SGCZ: variants seen among roughly 807,000 people sequenced by gnomAD.
The protein encoded by SGCZ is zeta-sarcoglycan.
In SGCZ, 40 loss-of-function variants were observed where a neutral mutation model predicts 41.3. The observed-to-expected ratio is 0.97, with a 90% confidence interval of 0.75 to 1.26. The LOEUF (loss-of-function observed/expected upper bound fraction) is 1.26, where lower values mean the gene tolerates loss of function less well. Ranked by LOEUF, SGCZ falls within the 50% of genes most tolerant of loss-of-function variation. The probability of loss-of-function intolerance (pLI) is 0.00; values close to 1 mark genes in which losing one functional copy is unlikely to be tolerated. For missense variants in SGCZ, 552 were observed against 369.8 expected (o/e 1.49, Z -4.04); for synonymous variants, 206 against 137.5 (o/e 1.50, Z -3.49).
intron 1 of SGCZ, among the ~76,000 whole-genome samples, chr8:14,577,731 T>C (rs1804758276): frequency 6.6e-6 from 1 of 152,164 alleles, no homozygotes; most frequent in African/African-American, 2.4e-5. Context: ...CAATTGTCCT[T>C]CCAATCTGCT....
intron 1 of SGCZ, among the ~76,000 whole-genome samples, chr8:14,621,022 A>G (rs1806266896): frequency 6.6e-6 from 1 of 152,100 alleles, no homozygotes. Context: ...GACAATAGCA[A>G]AGACTTGGAA....
chr8:15,055,220 G>C (rs1471055404), intron 1 of SGCZ, among the ~76,000 whole-genome samples: 1 of 152,036 alleles, frequency 6.6e-6, no homozygotes, highest in African/African-American at 2.4e-5. Context: ...CTGAACTCCA[G>C]TTTCCATATC....
At chr8:14,226,791 A>T (rs1440494025) in intron 4 of SGCZ, among the ~76,000 whole-genome samples, 1 of 152,086 alleles carries the variant, frequency 6.6e-6, no homozygotes, top group Non-Finnish European at 1.5e-5. Flanking sequence ...GTGTTTTTAG[A>T]AAGGTGTAAT....
rs985091166 is a variant in SGCZ at position 15,093,589 on chromosome 8, C to T, written c.39+143996G>A. On this transcript the variant is annotated intron_variant, in intron 1 of 7. Coordinates refer to ENST00000382080, the MANE Select transcript of SGCZ (RefSeq NM_139167.4). The stretch of plus-strand genomic sequence containing the variant: ...AGTCATGTAGTGTAAACTGTGGTAT[C>T]GAATTTTCCTATTTTGTATTTGGCT... Among the ~76,000 whole-genome samples, 12 of 152,024 alleles carry T rather than the reference C, an allele frequency of 7.9e-5. No individual in the cohort carries two copies. In the East Asian group the frequency reaches 9.6e-4, roughly 12 times the overall value.
chr8:14,923,510 C>G (rs887554434), intron 1 of SGCZ, among the ~76,000 whole-genome samples: 8 of 152,066 alleles, frequency 5.3e-5, no homozygotes, highest in Non-Finnish European at 1.0e-4. Flanking sequence ...TACACAGTTA[C>G]GAAATGTACG....
intron 1 of SGCZ, among the ~76,000 whole-genome samples, chr8:14,558,702 C>A (rs965678224): frequency 6.6e-6 from 1 of 150,664 alleles, no homozygotes; most frequent in African/African-American, 2.4e-5. Context: ...AACTACGGAC[C>A]AATATCCCTC....
intron 1 of SGCZ, among the ~76,000 whole-genome samples, chr8:14,919,081 TTA>T (rs1273766624): frequency 6.6e-6 from 1 of 152,164 alleles, no homozygotes; most frequent in African/African-American, 2.4e-5. Flanking sequence ...GTTGATTCAA[TTA>T]GTTAATAAAA....
At chr8:14,422,830 C>A (rs1045723039) in intron 2 of SGCZ, among the ~76,000 whole-genome samples, 2 of 152,116 alleles carry the variant, frequency 1.3e-5, no homozygotes, top group South Asian at 2.1e-4. Flanking sequence ...AATCTGAGAC[C>A]AGCCTGGGCA....
intron 1 of SGCZ, among the ~76,000 whole-genome samples, chr8:14,888,168 A>G (rs2130736948): frequency 6.6e-6 from 1 of 152,310 alleles, no homozygotes; most frequent in African/African-American, 2.4e-5. Context: ...AAAAAGCAAT[A>G]CACCAAAAAA....
intron 1 of SGCZ, among the ~76,000 whole-genome samples, chr8:15,150,865 G>A (rs1799159433): frequency 6.6e-6 from 1 of 152,124 alleles, no homozygotes; most frequent in Admixed American, 6.5e-5. Context: ...AAAGTCTGGT[G>A]GGTAGTCTCT....
intron 1 of SGCZ, among the ~76,000 whole-genome samples, chr8:14,975,063 T>C (rs756941218): frequency 6.6e-6 from 1 of 151,926 alleles, no homozygotes; most frequent in Admixed American, 6.6e-5. Flanking sequence ...TCCCAGCACT[T>C]TGGGAGGCCG....
rs117641635 is a variant in SGCZ at position 14,995,921 on chromosome 8, T to C, written c.39+241664A>G. Among the ~76,000 whole-genome samples, 1,467 of 152,246 alleles carry C rather than the reference T, an allele frequency of 9.6e-3. 12 individuals are homozygous for C. The highest frequency in any genetic ancestry group is 0.026 in the South Asian group (124 of 4,826). Reference sequence around the variant, plus strand: ...AGCACCATTTTCTTTGCTTTTTTTTTGAGATGGAATCTTGCTCTGTTGTCC... The same window carrying C: ...AGCACCATTTTCTTTGCTTTTTTTTCGAGATGGAATCTTGCTCTGTTGTCC... On this transcript the variant is annotated intron_variant, in intron 1 of 7. Transcript: ENST00000382080.
chr8:14,216,130 G>T (rs1340892997), intron 4 of SGCZ, among the ~76,000 whole-genome samples: 1 of 152,192 alleles, frequency 6.6e-6, no homozygotes, highest in East Asian at 1.9e-4. Flanking sequence ...AGCCTTGCAG[G>T]TAATGATTAA....
intron 1 of SGCZ, among the ~76,000 whole-genome samples, chr8:15,112,263 A>G (rs1022454875): frequency 6.6e-6 from 1 of 152,220 alleles, no homozygotes; most frequent in African/African-American, 2.4e-5. Flanking sequence ...TATCTTCTCA[A>G]CTTTAATTTC....
At chr8:14,694,026 T>C (rs1206085512) in intron 1 of SGCZ, among the ~76,000 whole-genome samples, 2 of 152,240 alleles carry the variant, frequency 1.3e-5, no homozygotes, top group Admixed American at 1.3e-4. Flanking sequence ...GCCTGGCTGA[T>C]AGCAGTTGTA....
At chr8:14,743,010 G>T (rs1799237834) in intron 1 of SGCZ, among the ~76,000 whole-genome samples, 1 of 152,036 alleles carries the variant, frequency 6.6e-6, no homozygotes, top group Non-Finnish European at 1.5e-5. Flanking sequence ...TCACTAATTT[G>T]CTGATCACCA....
intron 1 of SGCZ, among the ~76,000 whole-genome samples, chr8:15,135,241 C>T (rs1232460367): frequency 1.3e-5 from 2 of 152,158 alleles, no homozygotes; most frequent in Non-Finnish European, 2.9e-5. Context: ...GGCAAATACT[C>T]TATTTCTAAC....
chr8:15,191,929 C>A (rs929390235), intron 1 of SGCZ, among the ~76,000 whole-genome samples: 1 of 152,018 alleles, frequency 6.6e-6, no homozygotes, highest in Admixed American at 6.5e-5. Context: ...TGAGATTTAG[C>A]TCTCATTATA....
chr8:14,538,673 A>T (rs1379113764), intron 2 of SGCZ, among the ~76,000 whole-genome samples: 1 of 152,002 alleles, frequency 6.6e-6, no homozygotes, highest in Non-Finnish European at 1.5e-5. Context: ...AGCATCTACC[A>T]GCAGCTGTTC....
Sources: gnomAD v4.1 joint callset for allele counts (sites outside exome capture counted in the v4.1 genomes callset) on GRCh38, gnomAD v4.1.1 for gene constraint, MANE v1.5 for transcripts, NCBI Gene and HGNC (gene_info 2026-07-23, HGNC 2026-07-21) for gene names.